Variants in CNKSR3 observed in about 807,000 individuals in gnomAD.
The protein encoded by CNKSR3 is connector enhancer of kinase suppressor of ras 3.
Under a neutral mutation model 67.7 loss-of-function variants are expected in CNKSR3, and 36 were observed. The ratio of observed to expected loss-of-function variants is 0.53; its 90% CI spans 0.41 to 0.70. CNKSR3 has a LOEUF of 0.70. Ranked by LOEUF, CNKSR3 falls within the 30% of genes least tolerant of loss-of-function variation. The probability of loss-of-function intolerance (pLI) is 0.00; values close to 1 mark genes in which losing one functional copy is unlikely to be tolerated. For missense variants in CNKSR3, 630 were observed against 695.2 expected, an observed-to-expected ratio of 0.91 and a Z score of 1.05; for synonymous variants, 281 against 271.4, an observed-to-expected ratio of 1.04 and a Z score of -0.35.
intron 2 of CNKSR3, 117 bp downstream of exon 2, chr6:154,449,978 T>C: frequency 9.6e-7 from 1 of 1,038,274 alleles, no homozygotes; most frequent in Non-Finnish European, 1.4e-6. Context: ...GCTCATGTTT[T>C]ATTTTGATGG....
chr6:154,410,163 A>C lies in CNKSR3; in HGVS notation c.1369+180T>G, dbSNP rs548618170. Among the ~76,000 whole-genome samples the C allele has an allele frequency of 7.2e-4, 110 of 152,378 alleles. 1 individual carries two copies. The highest frequency in any genetic ancestry group is 3.4e-3 in the Middle Eastern group (1 of 294). ...GGATTATATAATTTTGCCATTCTAG[A>C]AATAAGTAGGATCTTAAAGATCTTC... is the stretch of plus-strand genomic sequence containing the variant. On this transcript the variant is annotated intron_variant, in intron 12 of 12. Transcript: ENST00000607772.
chr6:154,409,202 TTTGGAAGGTTAGG>T (rs1287223403), intron 12 of CNKSR3, among the ~76,000 whole-genome samples: 33 of 152,330 alleles, frequency 2.2e-4, no homozygotes, highest in African/African-American at 7.9e-4. Flanking sequence ...AATCAATCCC[TTTGGAAGGTTAGG>T]CTTCCAGAAT....
chr6:154,431,440 CAAAAAAAAA>C (rs34060385), intron 5 of CNKSR3, among the ~76,000 whole-genome samples: 1 of 93,564 alleles, frequency 1.1e-5, no homozygotes, highest in African/African-American at 3.4e-5. Flanking sequence ...GAGACTCTGT[CAAAAAAAAA>C]AAAAAAAAAA....
At chr6:154,452,802 A>G (rs1034206649) in intron 1 of CNKSR3, among the ~76,000 whole-genome samples, 1 of 152,228 alleles carries the variant, frequency 6.6e-6, no homozygotes, top group African/African-American at 2.4e-5. Context: ...CACACACAGA[A>G]GAAAGATACG....
intron 1 of CNKSR3, among the ~76,000 whole-genome samples, chr6:154,477,620 T>C (rs1786481211): frequency 1.3e-5 from 2 of 152,226 alleles, no homozygotes; most frequent in Admixed American, 6.5e-5. Context: ...GGTGTCTGGC[T>C]GCTTCTCTGT....
chr6:154,494,174 A>G (rs949876), intron 1 of CNKSR3, among the ~76,000 whole-genome samples: 18,882 of 152,248 alleles, frequency 0.12, 1,315 homozygotes, highest in Admixed American at 0.19. Flanking sequence ...GGGAGGCCTC[A>G]GGAAACTTAC....
chr6:154,441,242 CAAAAAAAAA>C (rs34887626), intron 4 of CNKSR3, 41 bp downstream of exon 4: 30 of 847,442 alleles, frequency 3.5e-5, no homozygotes, highest in South Asian at 8.1e-5. Flanking sequence ...AGAGGAAAAG[CAAAAAAAAA>C]AAAAAAAAAA....
intron 9 of CNKSR3, among the ~76,000 whole-genome samples, chr6:154,419,964 C>T (rs1015395616): frequency 5.3e-5 from 8 of 151,988 alleles, no homozygotes; most frequent in Non-Finnish European, 1.2e-4. Context: ...CTTGTAATTT[C>T]AGCTACTCAG....
intron 1 of CNKSR3, among the ~76,000 whole-genome samples, chr6:154,458,514 A>C (rs763479894): frequency 5.3e-5 from 8 of 152,168 alleles, no homozygotes; most frequent in African/African-American, 1.7e-4. Flanking sequence ...GAGCTTGGAC[A>C]AACAGGCAGT....
At chr6:154,477,279 A>G (rs1786471881) in intron 1 of CNKSR3, among the ~76,000 whole-genome samples, 1 of 145,900 alleles carries the variant, frequency 6.9e-6, no homozygotes, top group Admixed American at 6.8e-5. Context: ...TTGCAGAGTG[A>G]AAAAAAAAAA....
intron 1 of CNKSR3, among the ~76,000 whole-genome samples, chr6:154,486,552 G>C (rs1336908368): frequency 6.8e-6 from 1 of 147,736 alleles, no homozygotes; most frequent in Non-Finnish European, 1.5e-5. Context: ...GGGTGCAATG[G>C]CACGATCTTG....
intron 1 of CNKSR3, among the ~76,000 whole-genome samples, chr6:154,461,492 G>T (rs915674390): frequency 2.0e-5 from 3 of 152,226 alleles, no homozygotes; most frequent in Admixed American, 6.5e-5. Context: ...AGGAGAAACA[G>T]TATGGCCTGT....
intron 1 of CNKSR3, among the ~76,000 whole-genome samples, chr6:154,465,411 T>C (rs1217528020): frequency 1.3e-5 from 2 of 152,140 alleles, no homozygotes; most frequent in Non-Finnish European, 2.9e-5. Context: ...ACTTTCTGCA[T>C]GGCAGGTGCT....
At chr6:154,480,466 A>G (rs1272949857) in intron 1 of CNKSR3, among the ~76,000 whole-genome samples, 1 of 152,216 alleles carries the variant, frequency 6.6e-6, no homozygotes, top group African/African-American at 2.4e-5. Flanking sequence ...GCAGGCAGGC[A>G]GGTAAAGCCT....
Position 154,396,278 on chromosome 6 carries a change from G to A in CNKSR3, c.*10076C>T, listed in dbSNP as rs778596193. ...CCTGTAATCCTGTAACCAAAGAAGC[G>A]TTGTTGATGGCCAAGGCTTATTCTT... On this transcript the variant is annotated 3_prime_UTR_variant, in exon 13 of 13. Transcript: ENST00000607772. 10 of 152,142 alleles carry A rather than the reference G, an allele frequency of 6.6e-5. No homozygotes were observed. The highest frequency in any genetic ancestry group is 1.3e-4 in the Non-Finnish European group (9 of 68,030). The allele number at this position is 152,142 out of a possible 1,614,324, so 9.4% of individuals were successfully genotyped here. A position where few individuals can be genotyped will look rare whatever the true frequency, so the allele number is the denominator to read the frequency against.
chr6:154,440,630 T>A (rs756645243), intron 4 of CNKSR3, among the ~76,000 whole-genome samples: 16 of 152,228 alleles, frequency 1.1e-4, no homozygotes, highest in Non-Finnish European at 1.8e-4. Context: ...TTGACATGTG[T>A]CACTTGCAGT....
intron 1 of CNKSR3, among the ~76,000 whole-genome samples, chr6:154,480,139 G>T (rs753839773): frequency 1.3e-5 from 2 of 152,200 alleles, no homozygotes; most frequent in African/African-American, 4.8e-5. Flanking sequence ...TGCTGGGGCC[G>T]TCTCATTTCA....
chr6:154,423,947 GA>G (rs1291755760), intron 7 of CNKSR3, among the ~76,000 whole-genome samples: 13 of 152,026 alleles, frequency 8.6e-5, no homozygotes, highest in Non-Finnish European at 1.6e-4. Context: ...TATATAAAGG[GA>G]TAGGCCGGGC....
At chr6:154,452,934 TG>T (rs1204577314) in intron 1 of CNKSR3, among the ~76,000 whole-genome samples, 1 of 152,242 alleles carries the variant, frequency 6.6e-6, no homozygotes, top group Non-Finnish European at 1.5e-5. Context: ...AAATTTCTGT[TG>T]TTCCGGCCTC....
Sources: allele counts gnomAD v4.1 joint callset (sites outside exome capture counted in the v4.1 genomes callset), GRCh38; gene constraint gnomAD v4.1.1; transcripts MANE v1.5; gene names NCBI Gene and HGNC (gene_info 2026-07-23, HGNC 2026-07-21).